The following ANO2 variants were observed in gnomAD, a reference collection of about 807,000 sequenced individuals.
ANO2 encodes anoctamin-2.
ANO2 carries 101 observed loss-of-function variants against 124.2 expected under a neutral mutation model. The observed-to-expected ratio is 0.81, with a 90% CI of 0.69 to 0.96. ANO2 has a LOEUF of 0.96. Ranked by LOEUF, ANO2 falls within the 40% of genes least tolerant of loss-of-function variation. ANO2 has a pLI of 0.00. For missense variants in ANO2, 1,293 were observed against 1,274.5 expected (o/e 1.01, Z -0.22); for synonymous variants, 486 against 482.5 (o/e 1.01, Z -0.09).
At chr12:5,832,645 C>G in intron 4 of ANO2, 42 bp from the exon 5 acceptor site, 1 of 1,570,320 alleles carries the variant, frequency 6.4e-7, no homozygotes, top group Non-Finnish European at 8.6e-7. Context: ...GGGGCCACTT[C>G]CAGCAGAGAG....
chr12:5,743,448 G>A lies in ANO2; in HGVS notation c.1351+709C>T, dbSNP rs556415353. 3.0e-3 allele frequency among the ~76,000 whole-genome samples: 443 copies of A among 150,032 alleles called. 1 individual carries two copies. Among genetic ancestry groups the A allele is most frequent in the African/African-American group, 9.9e-3 (405 of 40,790 alleles). ...AGTTACCATGGGGTGGTTATCCCGCGTTATTCCAGTTTGTGAGAATAGGCG... is the reference window on the plus strand; with the variant it reads ...AGTTACCATGGGGTGGTTATCCCGCATTATTCCAGTTTGTGAGAATAGGCG... On this transcript the variant is annotated intron_variant, in intron 12 of 24. Transcript: ENST00000682330.
At chr12:5,877,766 G>A (rs1438427391) in intron 3 of ANO2, among the ~76,000 whole-genome samples, 1 of 152,246 alleles carries the variant, frequency 6.6e-6, no homozygotes, top group Non-Finnish European at 1.5e-5. Flanking sequence ...TTCCGCCTCA[G>A]ATCTTCAGGC....
chr12:5,648,157 C>T (rs547651634), intron 14 of ANO2, among the ~76,000 whole-genome samples: 2 of 152,244 alleles, frequency 1.3e-5, no homozygotes, highest in South Asian at 4.1e-4. Flanking sequence ...GTGATACCTG[C>T]CCTGCCTACT....
intron 10 of ANO2, among the ~76,000 whole-genome samples, chr12:5,778,442 AAATAAATGAAAG>A (rs2137130262): frequency 6.6e-6 from 1 of 152,348 alleles, no homozygotes; most frequent in South Asian, 2.1e-4. Flanking sequence ...CTGAATGAAT[AAATAAATGAAAG>A]AATAAATGAA....
intron 9 of ANO2, among the ~76,000 whole-genome samples, chr12:5,802,157 C>T (rs528404176): frequency 1.1e-4 from 16 of 152,322 alleles, no homozygotes; most frequent in Admixed American, 2.6e-4. Context: ...ATGGCCTCAA[C>T]GGAGAGCTGA....
At chr12:5,879,844 T>C (rs1045679161) in intron 3 of ANO2, among the ~76,000 whole-genome samples, 2 of 152,178 alleles carry the variant, frequency 1.3e-5, no homozygotes, top group Admixed American at 1.3e-4. Context: ...GCTTAAGAAG[T>C]GTGAACTCGT....
chr12:5,633,512 CT>C (rs1945838840), intron 16 of ANO2, among the ~76,000 whole-genome samples: 1 of 152,056 alleles, frequency 6.6e-6, no homozygotes, highest in South Asian at 2.1e-4. Flanking sequence ...CCAGCAAACA[CT>C]TTTCCATTGT....
chr12:5,729,645 T>C (rs2137063123), intron 14 of ANO2, among the ~76,000 whole-genome samples: 1 of 152,100 alleles, frequency 6.6e-6, no homozygotes, highest in Middle Eastern at 3.4e-3. Flanking sequence ...GACCCAGCAA[T>C]TCTACTCCTA....
intron 9 of ANO2, among the ~76,000 whole-genome samples, chr12:5,804,849 C>T (rs1366915038): frequency 6.6e-6 from 1 of 152,068 alleles, no homozygotes; most frequent in Non-Finnish European, 1.5e-5. Context: ...CCGTAATGAT[C>T]CTAGACAGGC....
chr12:5,735,169 G>A (rs1234190435), intron 13 of ANO2, among the ~76,000 whole-genome samples: 2 of 152,088 alleles, frequency 1.3e-5, no homozygotes, highest in East Asian at 3.9e-4. Flanking sequence ...GGGCTGCTTT[G>A]ACACACCCAG....
chr12:5,608,434 C>T (rs1484971768), intron 19 of ANO2, among the ~76,000 whole-genome samples: 2 of 151,882 alleles, frequency 1.3e-5, no homozygotes, highest in Non-Finnish European at 2.9e-5. Flanking sequence ...TGTACACATC[C>T]TCTGGCAGAG....
chr12:5,608,424 T>G (rs1461782297), intron 19 of ANO2, among the ~76,000 whole-genome samples: 2 of 151,966 alleles, frequency 1.3e-5, no homozygotes, highest in Non-Finnish European at 2.9e-5. Context: ...ATAATTATGT[T>G]GTACACATCC....
At position 5,830,473 on chromosome 12, in the gene ANO2, T is replaced by G. The variant is rs1160463940; in HGVS notation, c.802A>C (p.Lys268Gln). The G allele has an allele frequency of 1.2e-6, 2 of 1,612,480 alleles. No homozygotes were observed. The highest frequency in any genetic ancestry group is 1.7e-6 in the Non-Finnish European group (2 of 1,179,420). Reference sequence around the variant, plus strand: ...GTGGCATTATCAAAGAAGGTGTCCTTTTCCTGGATGTTGTACCTGGAGACA... The same window carrying G: ...GTGGCATTATCAAAGAAGGTGTCCTGTTCCTGGATGTTGTACCTGGAGACA... Reference protein sequence around the residue: ...EKMYLYNIQEKDTFFDNATRS... With the variant: ...EKMYLYNIQEQDTFFDNATRS... Residue 268 changes from lysine to glutamine, a missense_variant, in exon 6 of 25, where the codon AAG becomes CAG. Lys to Gln is a moderately conservative substitution (Grantham distance 53, BLOSUM62 1). Coordinates refer to ENST00000682330, the MANE Select transcript of ANO2 (RefSeq NM_001364791.2).
intron 16 of ANO2, among the ~76,000 whole-genome samples, chr12:5,623,977 T>G (rs1035167399): frequency 6.6e-6 from 1 of 152,098 alleles, no homozygotes; most frequent in Non-Finnish European, 1.5e-5. Flanking sequence ...GCCAGCCAGC[T>G]GGGTAACAAG....
intron 14 of ANO2, among the ~76,000 whole-genome samples, chr12:5,649,871 C>T (rs1246191020): frequency 3.9e-5 from 6 of 152,052 alleles, no homozygotes; most frequent in Admixed American, 3.3e-4. Flanking sequence ...GTCTCGATCT[C>T]CTGACCTCGT....
At chr12:5,716,888 T>C (rs1443927413) in intron 14 of ANO2, among the ~76,000 whole-genome samples, 5 of 152,166 alleles carry the variant, frequency 3.3e-5, no homozygotes, top group African/African-American at 1.2e-4. Flanking sequence ...GTTGCATAAA[T>C]GGCCCAAAGG....
At chr12:5,694,367 G>T (rs1476643792) in intron 14 of ANO2, among the ~76,000 whole-genome samples, 1 of 152,058 alleles carries the variant, frequency 6.6e-6, no homozygotes, top group Non-Finnish European at 1.5e-5. Context: ...AAGAGTGTCA[G>T]ATACAGGCAG....
At chr12:5,885,063 C>G (rs1402712121) in intron 3 of ANO2, among the ~76,000 whole-genome samples, 1 of 152,214 alleles carries the variant, frequency 6.6e-6, no homozygotes, top group Admixed American at 6.5e-5. Flanking sequence ...ATTAATATTC[C>G]TATTCCGTGG....
rs967940378 is a variant in ANO2 at position 5,652,369 on chromosome 12, C to A, written c.1546-4568G>T. On this transcript the variant is annotated intron_variant, in intron 14 of 24. Transcript: ENST00000682330. Reference sequence around the variant, plus strand: ...TTACATTAGTTAAGTACATTTTTCACAACCAATGAACCGATATTGTACAGT... The same window carrying A: ...TTACATTAGTTAAGTACATTTTTCAAAACCAATGAACCGATATTGTACAGT... Among the ~76,000 whole-genome samples, 47 of 152,118 alleles carry A rather than the reference C, an allele frequency of 3.1e-4. 2 individuals are homozygous for A. The highest frequency in any genetic ancestry group is 1.5e-5 in the Non-Finnish European group (1 of 68,022).
Sources: gnomAD v4.1 joint callset for allele counts (sites outside exome capture counted in the v4.1 genomes callset) on GRCh38, gnomAD v4.1.1 for gene constraint, MANE v1.5 for transcripts, NCBI Gene and HGNC (gene_info 2026-07-23, HGNC 2026-07-21) for gene names.